ZNF324: variants seen among roughly 807,000 people sequenced by gnomAD.
ZNF324 encodes zinc finger protein 324A.
Under a neutral mutation model 10.3 loss-of-function variants are expected in ZNF324, and 3 were observed. The ratio of observed to expected loss-of-function variants is 0.29; its 90% CI spans 0.13 to 0.75. ZNF324 has a LOEUF of 0.75. Among genes scored for constraint, ZNF324 ranks in the 30% least tolerant of loss-of-function variants. The pLI is 0.69. For missense variants in ZNF324, 763 were observed against 784.4 expected (o/e 0.97, Z 0.33); for synonymous variants, 430 against 339.5 (o/e 1.27, Z -2.93).
chr19:58,469,314 C>T lies in ZNF324; in HGVS notation c.121+8C>T. The T allele has an allele frequency of 6.2e-7, 1 of 1,612,092 alleles. No individual in the cohort carries two copies. Among genetic ancestry groups the T allele is most frequent in the South Asian group, 1.1e-5 (1 of 90,844 alleles). Reference sequence around the variant, plus strand: ...CACTTGTGGCCTCGCTGGGTAAGGTCCTAGATACTCCATGAAATGGGCAAC... The same window carrying T: ...CACTTGTGGCCTCGCTGGGTAAGGTTCTAGATACTCCATGAAATGGGCAAC... On this transcript the variant is annotated splice_region_variant and intron_variant, in intron 2 of 3. Coordinates refer to ENST00000196482, the MANE Select transcript of ZNF324 (RefSeq NM_014347.3).
At position 58,471,858 on chromosome 19, in the gene ZNF324, G is replaced by A. The variant is rs1374782565; in HGVS notation, c.1366G>A (p.Val456Met). 2.5e-6 allele frequency: 4 copies of A among 1,612,350 alleles called. No individual in the cohort carries two copies. Among genetic ancestry groups the A allele is most frequent in the East Asian group, 2.2e-5 (1 of 44,892 alleles). Residue 456 changes from valine (V) to methionine (M), a missense_variant, in exon 4 of 4, where the codon GTG becomes ATG. Val to Met is a conservative substitution (Grantham distance 21). This residue lies in a region of ZNF324 where 231 missense variants were observed against 196.0 expected (regional missense o/e 1.18). Coordinates refer to ENST00000196482, the MANE Select transcript of ZNF324 (RefSeq NM_014347.3). The part of the protein sequence containing the change: ...LHTGERPFRC[V>M]DCGKAFAKGA... ...CACGGGCGAGCGGCCCTTCCGCTGC[G>A]TGGACTGTGGCAAGGCCTTCGCCAA...
Position 58,473,401 on chromosome 19 carries a change from G to C in ZNF324, c.*1247G>C, listed in dbSNP as rs1023954172. On this transcript the variant is annotated 3_prime_UTR_variant, in exon 4 of 4. Transcript: ENST00000196482. ...GAGCCTCACCTCCAAGGAAATTCAT[G>C]TTCTCCTTAATGGAAAAAAAAAAAA... 1.2e-4 allele frequency: 10 copies of C among 84,168 alleles called. No homozygotes were observed. The highest frequency in any genetic ancestry group is 4.5e-4 in the African/African-American group (9 of 19,922). The allele number at this position is 84,168 out of a possible 1,614,324, so 5.2% of individuals were successfully genotyped here.
At position 58,472,104 on chromosome 19, in the gene ZNF324, C is replaced by G; in HGVS notation, c.1612C>G (p.Pro538Ala). The change falls in exon 4 of 4, where the codon CCC becomes GCC. Residue 538 changes from proline (P) to alanine (A), a missense_variant. Transcript: ENST00000196482. ...AGGTGCGCCAGCGAAGGAAACCGAG[C>G]CCACTCCCGCCTCGGGCCCAGCCGC... ...SEGAPAKETE[P>A]TPASGPAAVS... 6.3e-7 allele frequency: 1 copy of G among 1,594,200 alleles called. No individual in the cohort carries two copies. The highest frequency in any genetic ancestry group is 1.1e-5 in the South Asian group (1 of 90,604).
chr19:58,471,301 C>T lies in ZNF324; in HGVS notation c.809C>T (p.Ser270Phe). 2 of 1,613,894 alleles carry T rather than the reference C, an allele frequency of 1.2e-6. No individual in the cohort carries two copies. Among genetic ancestry groups the T allele is most frequent in the East Asian group, 2.2e-5 (1 of 44,876 alleles). Residue 270 changes from serine (S) to phenylalanine (F), a missense_variant, in exon 4 of 4, where the codon TCC (serine) becomes TTC (phenylalanine). Transcript: ENST00000196482. ...TGCAGCAAAGTGTTCGTGAAGAGCT[C>T]CGACCTCCTCAAGCACCTACGCACC... is the stretch of plus-strand genomic sequence containing the variant. ...RACSKVFVKS[S>F]DLLKHLRTHT...
Position 58,472,988 on chromosome 19 carries a change from T to A in ZNF324, c.*834T>A, listed in dbSNP as rs949544733. On this transcript the variant is annotated 3_prime_UTR_variant, in exon 4 of 4. Coordinates refer to ENST00000196482, the MANE Select transcript of ZNF324 (RefSeq NM_014347.3). ...CATTGGAAGGACAGAGCTAGGATGA[T>A]GGCTTTCCGGTGGCACTCGTTCAGG... 4 of 152,830 alleles carry A rather than the reference T, an allele frequency of 2.6e-5. No individual in the cohort carries two copies. Among genetic ancestry groups the A allele is most frequent in the African/African-American group, 9.6e-5 (4 of 41,578 alleles). 9.5% of individuals were successfully genotyped at this position (152,830 alleles called of 1,614,324 possible). A position where few individuals can be genotyped will look rare whatever the true frequency, so the allele number is the denominator to read the frequency against.
At position 58,472,131 on chromosome 19, in the gene ZNF324, G is replaced by C; in HGVS notation, c.1639G>C (p.Val547Leu). Residue 547 changes from valine (V) to leucine (L), a missense_variant, in exon 4 of 4, where the codon GTC (valine) becomes CTC (leucine). Val to Leu is a conservative substitution (Grantham distance 32). This residue lies in a region of ZNF324 where 231 missense variants were observed against 196.0 expected (regional missense o/e 1.18). Coordinates refer to ENST00000196482, the MANE Select transcript of ZNF324 (RefSeq NM_014347.3). ...EPTPASGPAA[V>L]SQPAEV Reference sequence around the variant, plus strand: ...CACTCCCGCCTCGGGCCCAGCCGCCGTCTCGCAGCCAGCGGAGGTCTGAGG... The same window carrying C: ...CACTCCCGCCTCGGGCCCAGCCGCCCTCTCGCAGCCAGCGGAGGTCTGAGG... 6.3e-7 allele frequency: 1 copy of C among 1,587,490 alleles called. No individual in the cohort carries two copies. Among genetic ancestry groups the C allele is most frequent in the Non-Finnish European group, 8.6e-7 (1 of 1,168,172 alleles).
Position 58,471,998 on chromosome 19 carries a change from C to A in ZNF324, c.1506C>A (p.Ile502=). The A allele has an allele frequency of 1.2e-6, 2 of 1,608,502 alleles. No individual in the cohort carries two copies. The highest frequency in any genetic ancestry group is 1.1e-5 in the South Asian group (1 of 91,074). The part of the protein sequence containing the change: ...ERPALFHHQR[I]HTGEKTVRRS... ...CGGCCCTCTTCCACCACCAGAGGATCCATACCGGCGAGAAGACCGTCCGGC... is the reference window on the plus strand; with the variant it reads ...CGGCCCTCTTCCACCACCAGAGGATACATACCGGCGAGAAGACCGTCCGGC... The change falls in exon 4 of 4, where the codon ATC becomes ATA. Residue 502 remains isoleucine, a synonymous_variant. Coordinates refer to ENST00000196482, the MANE Select transcript of ZNF324 (RefSeq NM_014347.3).
In ZNF324 at chr19:58,471,398, G is replaced by A. The variant is rs1452625773; in HGVS notation, c.906G>A (p.Gln302=). The A allele has an allele frequency of 1.2e-6, 2 of 1,613,386 alleles. No homozygotes were observed. Among genetic ancestry groups the A allele is most frequent in the Non-Finnish European group, 1.7e-6 (2 of 1,179,740 alleles). ...TCAGCCAGACGTCGCACTTGACGCA[G>A]CACCAGCGCATCCACAGCGGCGAGA... ...KAFSQTSHLT[Q]HQRIHSGETP... The change falls in exon 4 of 4, where the codon CAG becomes CAA. Residue 302 remains glutamine, a synonymous_variant. Transcript: ENST00000196482.
chr19:58,468,609 G>T (rs1239169546), intron 1 of ZNF324, among the ~76,000 whole-genome samples: 1 of 152,164 alleles, frequency 6.6e-6, no homozygotes. Flanking sequence ...TGCTACAAGA[G>T]CAGGAAGGGT....
intron 3 of ZNF324, among the ~76,000 whole-genome samples, chr19:58,470,139 T>C (rs1211352569): frequency 6.6e-6 from 1 of 152,194 alleles, no homozygotes; most frequent in African/African-American, 2.4e-5. Context: ...ACTGCCATAA[T>C]TGATGGGTCA....
In ZNF324 at chr19:58,471,094, A is replaced by T. The variant is rs2053027523; in HGVS notation, c.602A>T (p.Glu201Val). 1 of 1,613,868 alleles carries T rather than the reference A, an allele frequency of 6.2e-7. No individual in the cohort carries two copies. Among genetic ancestry groups the T allele is most frequent in the Non-Finnish European group, 8.5e-7 (1 of 1,180,044 alleles). ...GAGCGGCAGAAACCATGTGCACAGG[A>T]GGTCCCTGGGAGAACCTTTGGGAGC... ...TPERQKPCAQEVPGRTFGSAQ... is the reference protein window; with the variant it reads ...TPERQKPCAQVVPGRTFGSAQ... Residue 201 changes from glutamate (E) to valine (V), a missense_variant, in exon 4 of 4, where the codon GAG becomes GTG. Physicochemically the swap from Glu to Val is moderately radical, Grantham distance 121 (BLOSUM62 -2). Coordinates refer to ENST00000196482, the MANE Select transcript of ZNF324 (RefSeq NM_014347.3).
Position 58,472,175 on chromosome 19 carries a change from G to A in ZNF324, c.*21G>A, listed in dbSNP as rs1161921389. The A allele has an allele frequency of 1.9e-6, 3 of 1,547,452 alleles. No homozygotes were observed. Among genetic ancestry groups the A allele is most frequent in the Non-Finnish European group, 2.6e-6 (3 of 1,148,930 alleles). ...TCTGAGGTCACAGGTTGCAGCCCTG[G>A]CCTTCTGTGAATCCCTTCCACAGCT... On this transcript the variant is annotated 3_prime_UTR_variant, in exon 4 of 4. Transcript: ENST00000196482.
Position 58,472,108 on chromosome 19 carries a change from C to T in ZNF324, c.1616C>T (p.Thr539Ile), listed in dbSNP as rs751647991. The T allele has an allele frequency of 1.9e-6, 3 of 1,593,410 alleles. No homozygotes were observed. Among genetic ancestry groups the T allele is most frequent in the South Asian group, 1.1e-5 (1 of 90,550 alleles). ...GCGCCAGCGAAGGAAACCGAGCCCA[C>T]TCCCGCCTCGGGCCCAGCCGCCGTC... The part of the protein sequence containing the change: ...EGAPAKETEP[T>I]PASGPAAVSQ... Residue 539 changes from threonine to isoleucine, a missense_variant, in exon 4 of 4, where the codon ACT becomes ATT. Physicochemically the swap from Thr to Ile is moderately conservative, Grantham distance 89. Coordinates refer to ENST00000196482, the MANE Select transcript of ZNF324 (RefSeq NM_014347.3).
At position 58,474,158 on chromosome 19, in the gene ZNF324, C is replaced by G. The variant is rs1329112064; in HGVS notation, c.*2004C>G. On this transcript the variant is annotated 3_prime_UTR_variant, in exon 4 of 4. Coordinates refer to ENST00000196482, the MANE Select transcript of ZNF324 (RefSeq NM_014347.3). Reference sequence around the variant, plus strand: ...GTGGAGACACACAGAACCTAGCTCCCCTGGAGCCTGCAAGACTTGGGCCAC... The same window carrying G: ...GTGGAGACACACAGAACCTAGCTCCGCTGGAGCCTGCAAGACTTGGGCCAC... 6.6e-6 allele frequency: 1 copy of G among 152,262 alleles called. No homozygotes were observed. Among genetic ancestry groups the G allele is most frequent in the Admixed American group, 6.5e-5 (1 of 15,280 alleles). 9.4% of individuals were successfully genotyped at this position (152,262 alleles called of 1,614,324 possible). A position where few individuals can be genotyped will look rare whatever the true frequency, so the allele number is the denominator to read the frequency against.
intron 3 of ZNF324, chr19:58,470,503 G>T (rs572532239): frequency 7.7e-6 from 5 of 648,244 alleles, no homozygotes; most frequent in Admixed American, 4.6e-5. Flanking sequence ...CCTGGGTGTC[G>T]GGGGGCTGCC....
Position 58,471,838 on chromosome 19 carries a change from G to A in ZNF324, c.1346G>A (p.Gly449Asp), listed in dbSNP as rs2053036598. 6.2e-7 allele frequency: 1 copy of A among 1,612,786 alleles called. No individual in the cohort carries two copies. The highest frequency in any genetic ancestry group is 1.3e-5 in the African/African-American group (1 of 74,932). Reference protein sequence around the residue: ...NLTQHQLLHTGERPFRCVDCG... With the variant: ...NLTQHQLLHTDERPFRCVDCG... ...ACCCAGCACCAGCTCCTGCACACGG[G>A]CGAGCGGCCCTTCCGCTGCGTGGAC... The change falls in exon 4 of 4, where the codon GGC becomes GAC. Residue 449 changes from glycine to aspartate, a missense_variant. Around this residue, in one of 3 missense-constraint regions of ZNF324, gnomAD observed 231 missense variants for 196.0 expected, o/e 1.18. Transcript: ENST00000196482.
chr19:58,467,720 C>T (rs2052994608), intron 1 of ZNF324: 1 of 152,136 alleles, frequency 6.6e-6, no homozygotes, highest in Non-Finnish European at 1.5e-5. Flanking sequence ...AGGGGAGAGT[C>T]CTGCGTGTGC....
chr19:58,468,395 G>A (rs1324201243), intron 1 of ZNF324, among the ~76,000 whole-genome samples: 2 of 152,134 alleles, frequency 1.3e-5, no homozygotes, highest in Non-Finnish European at 2.9e-5. Context: ...GGGGAAGAAA[G>A]GGGACACCGG....
At chr19:58,469,031 T>C in intron 1 of ZNF324, 149 bp from the exon 2 acceptor site, 1 of 970,788 alleles carries the variant, frequency 1.0e-6, no homozygotes, top group Non-Finnish European at 1.5e-6. Context: ...ATGCAATTTT[T>C]ATTTTTTTTA....
Sources: allele counts gnomAD v4.1 joint callset (sites outside exome capture counted in the v4.1 genomes callset), GRCh38; gene constraint gnomAD v4.1.1; regional missense constraint gnomAD v4.1.1; transcripts MANE v1.5; gene names NCBI Gene and HGNC (gene_info 2026-07-23, HGNC 2026-07-21).